PAX6: variants seen among roughly 807,000 people sequenced by gnomAD.
PAX6 encodes paired box protein Pax-6.
A neutral mutation model predicts 60.7 loss-of-function variants in PAX6; 7 were observed. That is an observed-to-expected ratio of 0.12 (90% CI 0.07 to 0.22). The LOEUF (loss-of-function observed/expected upper bound fraction) is 0.22, where lower values mean the gene tolerates loss of function less well. Among genes scored for constraint, PAX6 ranks in the 10% least tolerant of loss-of-function variants. PAX6 has a pLI of 1.00. For synonymous variants in PAX6, 208 were observed against 201.2 expected (o/e 1.03, Z -0.29); for missense variants, 355 against 555.2 (o/e 0.64, Z 3.62).
intron 1 of PAX6, chr11:31,816,401 C>G (rs1540318): frequency 3.3e-6 from 2 of 614,694 alleles, no homozygotes; most frequent in African/African-American, 3.7e-5. Context: ...GTCCTCGGCT[C>G]GCCCTGGGCG....
chr11:31,816,102 C>T (rs1327853604), upstream of PAX6, among the ~76,000 whole-genome samples: 2 of 152,224 alleles, frequency 1.3e-5, no homozygotes, highest in Non-Finnish European at 2.9e-5. Context: ...CGCCGGGTGG[C>T]GTCCAGCCCC....
At chr11:31,802,364 T>C in intron 5 of PAX6, 1 of 324,808 alleles carries the variant, frequency 3.1e-6, no homozygotes, top group Non-Finnish European at 5.6e-6. Context: ...ATTATGCCGG[T>C]TTATATAACT....
chr11:31,804,790 C>T (rs1226508145), intron 4 of PAX6: 1 of 152,236 alleles, frequency 6.6e-6, no homozygotes, highest in Non-Finnish European at 1.5e-5. Context: ...CCAAGGCGGG[C>T]GCGTAAGGCC....
At position 31,794,763 on chromosome 11, in the gene PAX6, C is replaced by T. The variant is rs770253438; in HGVS notation, c.591G>A (p.Gly197=). 4.3e-6 allele frequency: 7 copies of T among 1,613,988 alleles called. No individual in the cohort carries two copies. The Admixed American group carries it at 8.3e-5, about 19-fold the overall frequency. ...TQDGCQQQEG[G]GENTNSISSN... ...AACTGATGGAGTTGGTATTCTCTCC[C>T]CCTCCTTCCTGTTGCTGGCAGCCAT... The change falls in exon 9 of 14, where the codon GGG becomes GGA. Residue 197 remains glycine (G), a synonymous_variant. Transcript: ENST00000640368.
intron 10 of PAX6, 103 bp downstream of exon 10, chr11:31,793,929 T>C: frequency 7.9e-7 from 1 of 1,268,368 alleles, no homozygotes; most frequent in Non-Finnish European, 1.2e-6. Flanking sequence ...CTTTTTATTA[T>C]ATTAGTCCTA....
chr11:31,790,107 A>AT (rs1949328537), intron 13 of PAX6, 88 bp from the exon 14 acceptor site: 2 of 788,920 alleles, frequency 2.5e-6, no homozygotes, highest in South Asian at 3.3e-5. Flanking sequence ...CAAAAAAAAA[A>AT]AAAAAAAAAA....
chr11:31,789,970 T>G lies in PAX6; in HGVS notation c.1275A>C (p.Glu425Asp). 6.2e-7 allele frequency: 1 copy of G among 1,605,052 alleles called. No homozygotes were observed. The part of the protein sequence containing the change: ...VSVPVQVPGS[E>D]PDMSQYWPRL... The stretch of plus-strand genomic sequence containing the variant: ...TTGGCCAGTATTGAGACATATCAGG[T>G]TCACTTCCGGGAACTTGAACTGGAA... The change falls in exon 14 of 14, where the codon GAA becomes GAC. Residue 425 changes from glutamate to aspartate, a missense_variant. Physicochemically the swap from Glu to Asp is conservative, Grantham distance 45. Coordinates refer to ENST00000640368, the MANE Select transcript of PAX6 (RefSeq NM_001368894.2).
At chr11:31,811,381 C>T (rs1215252448), upstream of PAX6, 4 of 397,890 alleles carry the variant, frequency 1.0e-5, no homozygotes, top group Admixed American at 4.4e-5. Flanking sequence ...GCCGGGGCCT[C>T]GCGCCAGCCG....
At chr11:31,801,127 G>C in intron 7 of PAX6, 2 of 933,970 alleles carry the variant, frequency 2.1e-6, no homozygotes, top group Non-Finnish European at 3.1e-6. Flanking sequence ...CGGTTGCTTT[G>C]CTTTGTTAAA....
In PAX6 at chr11:31,801,630, G is replaced by A. The variant is rs1443607285; in HGVS notation, c.330C>T (p.Ser110=). Residue 110 remains serine, a synonymous_variant, in exon 7 of 14, where the codon TCC becomes TCT. Transcript: ENST00000640368. The part of the protein sequence containing the change: ...KIAQYKRECP[S]IFAWEIRDRL... ...TGTCTCGGATTTCCCAAGCAAAGAT[G>A]GACGGGCACTCCCGCTTATACTGGG... is the stretch of plus-strand genomic sequence containing the variant. The A allele has an allele frequency of 6.2e-7, 1 of 1,614,016 alleles. No individual in the cohort carries two copies. Among genetic ancestry groups the A allele is most frequent in the East Asian group, 2.2e-5 (1 of 44,884 alleles).
chr11:31,806,951 G>A (rs948642063), intron 2 of PAX6, 26 bp from the exon 3 acceptor site: 2 of 153,282 alleles, frequency 1.3e-5, no homozygotes, highest in African/African-American at 2.4e-5. Context: ...AGGAGAAAAA[G>A]GTATATCAAG....
upstream of PAX6, among the ~76,000 whole-genome samples, chr11:31,813,909 T>C (rs1424535261): frequency 6.6e-6 from 1 of 152,064 alleles, no homozygotes; most frequent in Non-Finnish European, 1.5e-5. Flanking sequence ...AAGTACCGGC[T>C]CTGGGGGCGA....
intron 5 of PAX6, 148 bp from the exon 6 acceptor site, chr11:31,802,060 TA>T (rs35589851): frequency 5.7e-4 from 372 of 653,894 alleles, no homozygotes; most frequent in East Asian, 1.0e-3. Flanking sequence ...AAGCTTTTTT[TA>T]AAAAAAAAAC....
At chr11:31,815,473 T>C (rs2135443401), upstream of PAX6, among the ~76,000 whole-genome samples, 1 of 151,276 alleles carries the variant, frequency 6.6e-6, no homozygotes, top group African/African-American at 2.4e-5. Flanking sequence ...GTTGTAGACC[T>C]GGGAACAGGC....
intron 9 of PAX6, 93 bp downstream of exon 9, chr11:31,794,537 A>G (rs2134648925): frequency 3.1e-6 from 4 of 1,271,768 alleles, no homozygotes; most frequent in East Asian, 2.3e-5. Context: ...TCATTCTTCT[A>G]TGCAAAGGGC....
intron 2 of PAX6, chr11:31,810,260 G>A (rs1019949332): frequency 6.6e-6 from 1 of 152,178 alleles, no homozygotes; most frequent in African/African-American, 2.4e-5. Flanking sequence ...ACTCTTCTGC[G>A]CCGGAGCCCA....
intron 3 of PAX6, 41 bp from the exon 4 acceptor site, chr11:31,806,503 A>G: frequency 6.6e-7 from 1 of 1,511,898 alleles, no homozygotes. Context: ...GGGCAGCTGC[A>G]TCAGGTAGGC....
intron 5 of PAX6, 41 bp from the exon 6 acceptor site, chr11:31,801,953 C>A (rs756028301): frequency 6.6e-7 from 1 of 1,512,224 alleles, no homozygotes; most frequent in African/African-American, 1.4e-5. Context: ...TGAGAACTTA[C>A]TGTAGAGAGC....
intron 4 of PAX6, chr11:31,805,080 G>A (rs1955364696): frequency 6.6e-6 from 1 of 152,306 alleles, no homozygotes; most frequent in Admixed American, 6.5e-5. Flanking sequence ...AAAACATATG[G>A]TGTCAATTTG....
Sources: allele counts gnomAD v4.1 joint callset (sites outside exome capture counted in the v4.1 genomes callset), GRCh38; gene constraint gnomAD v4.1.1; transcripts MANE v1.5; gene names NCBI Gene and HGNC (gene_info 2026-07-23, HGNC 2026-07-21).